RNF44: variants seen among roughly 807,000 people sequenced by gnomAD.
The protein encoded by RNF44 is ring finger protein 44.
In RNF44, 25 loss-of-function variants were observed where a neutral mutation model predicts 53.6. That is an observed-to-expected ratio of 0.47 (90% CI 0.34 to 0.65). The LOEUF (loss-of-function observed/expected upper bound fraction) is 0.65, where lower values mean the gene tolerates loss of function less well. Among genes scored for constraint, RNF44 ranks in the 30% least tolerant of loss-of-function variants. The pLI is 0.01. For missense variants in RNF44, 581 were observed against 595.5 expected (o/e 0.98, Z 0.25); for synonymous variants, 282 against 252.2 (o/e 1.12, Z -1.12).
At position 176,532,480 on chromosome 5, in the gene RNF44, G is replaced by GC; in HGVS notation, c.-9dup. 1 of 1,570,442 alleles carries GC rather than the reference G, an allele frequency of 6.4e-7. No homozygotes were observed. Among genetic ancestry groups the GC allele is most frequent in the Non-Finnish European group, 8.6e-7 (1 of 1,161,822 alleles). On this transcript the variant is annotated 5_prime_UTR_variant, in exon 2 of 11. Coordinates refer to ENST00000274811, the MANE Select transcript of RNF44 (RefSeq NM_014901.5). ...CAGAGCCCATGGTCGCATCGGGGGG[G>GC]CAGGGGGGTGGAGGGGCTGGGCCGG...
upstream of RNF44, among the ~76,000 whole-genome samples, chr5:176,542,961 C>T (rs1452298750): frequency 6.6e-6 from 1 of 151,876 alleles, no homozygotes; most frequent in Non-Finnish European, 1.5e-5. Context: ...GTCCCAGCCG[C>T]AGCTGGGACT....
At chr5:176,534,641 G>C (rs896648701) in intron 1 of RNF44, among the ~76,000 whole-genome samples, 1 of 152,274 alleles carries the variant, frequency 6.6e-6, no homozygotes, top group Admixed American at 6.5e-5. Flanking sequence ...AGCACAGCTA[G>C]ATTTGGGAAT....
In RNF44 at chr5:176,528,835, GT is replaced by G. The variant is rs1182331129; in HGVS notation, c.*192del. On this transcript the variant is annotated 3_prime_UTR_variant, in exon 11 of 11. Transcript: ENST00000274811. Reference sequence around the variant, plus strand: ...GGCAGGCAGGCAGACTAGGGAGGGAGTCTTTGGAGCTTGGCAAATGCAGGGG... The same window carrying G: ...GGCAGGCAGGCAGACTAGGGAGGGAGCTTTGGAGCTTGGCAAATGCAGGGG... 3.3e-6 allele frequency: 2 copies of G among 613,084 alleles called. No individual in the cohort carries two copies. The highest frequency in any genetic ancestry group is 3.7e-5 in the African/African-American group (2 of 53,998). 38.0% of individuals were successfully genotyped at this position (613,084 alleles called of 1,614,324 possible).
chr5:176,539,124 C>A (rs990123227), upstream of RNF44, among the ~76,000 whole-genome samples: 1 of 152,174 alleles, frequency 6.6e-6, no homozygotes, highest in Non-Finnish European at 1.5e-5. Flanking sequence ...CAGCAATGAT[C>A]GTATCACTGT....
Position 176,529,542 on chromosome 5 carries a change from G to A in RNF44, c.1117C>T (p.His373Tyr). 1 of 1,614,054 alleles carries A rather than the reference G, an allele frequency of 6.2e-7. No homozygotes were observed. Among genetic ancestry groups the A allele is most frequent in the South Asian group, 1.1e-5 (1 of 91,090 alleles). Reference protein sequence around the residue: ...LPSYRFNPDSHQSEQTLCVVC... With the variant: ...LPSYRFNPDSYQSEQTLCVVC... The stretch of plus-strand genomic sequence containing the variant: ...ACTCACAGCGTCTGCTCCGACTGAT[G>A]GCTGTCCGGGTTAAAGCGGTACGAC... Residue 373 changes from histidine to tyrosine, a missense_variant, in exon 9 of 11, where the codon CAT (histidine) becomes TAT (tyrosine). Physicochemically the swap from His to Tyr is moderately conservative, Grantham distance 83 (BLOSUM62 2). Around this residue, in one of 3 missense-constraint regions of RNF44, gnomAD observed 183 missense variants for 198.6 expected, o/e 0.92. Coordinates refer to ENST00000274811, the MANE Select transcript of RNF44 (RefSeq NM_014901.5).
upstream of RNF44, among the ~76,000 whole-genome samples, chr5:176,542,165 TC>T (rs1432059106): frequency 6.6e-6 from 1 of 152,106 alleles, no homozygotes; most frequent in Admixed American, 6.5e-5. Flanking sequence ...TCTCAATCTC[TC>T]GTCTGTAAAA....
intron 6 of RNF44, 67 bp from the exon 7 acceptor site, chr5:176,530,273 G>T: frequency 2.4e-6 from 1 of 415,462 alleles, no homozygotes. Flanking sequence ...GAGCCCAGGT[G>T]CAAGTCAGCC....
At chr5:176,530,823 C>T (rs776259475) in intron 5 of RNF44, 25 bp downstream of exon 5, 49 of 1,448,984 alleles carry the variant, frequency 3.4e-5, no homozygotes, top group Admixed American at 1.7e-4. Context: ...CATCTCCCTC[C>T]AGCATCGGAC....
Position 176,529,024 on chromosome 5 carries a change from G to A in RNF44, c.*4C>T, listed in dbSNP as rs1756302026. The A allele has an allele frequency of 6.2e-7, 1 of 1,611,272 alleles. No homozygotes were observed. Among genetic ancestry groups the A allele is most frequent in the Non-Finnish European group, 8.5e-7 (1 of 1,179,256 alleles). On this transcript the variant is annotated 3_prime_UTR_variant, in exon 11 of 11. Coordinates refer to ENST00000274811, the MANE Select transcript of RNF44 (RefSeq NM_014901.5). ...GGTTCTCCCGGGCAGGCGGCTGCGT[G>A]GCCTCACTCAGCCTCCCTGGGCACC...
chr5:176,529,879 C>T, intron 7 of RNF44, 61 bp from the exon 8 acceptor site: 1 of 1,456,626 alleles, frequency 6.9e-7, no homozygotes, highest in East Asian at 2.3e-5. Context: ...CACAGAGCCG[C>T]TCTCCTGACT....
chr5:176,528,689 T>TTAAAAA lies in RNF44; in HGVS notation c.*338_*339insTTTTTA. 9 of 359,200 alleles carry TTAAAAA rather than the reference T, an allele frequency of 2.5e-5. No individual in the cohort carries two copies. Among genetic ancestry groups the TTAAAAA allele is most frequent in the South Asian group, 1.3e-4 (3 of 23,332 alleles). 22.3% of individuals were successfully genotyped at this position (359,200 alleles called of 1,614,324 possible). ...TCTGCCCATCCTGGGGCCAAGGATC[T>TTAAAAA]CCACCGGCCCCACTGAGGGAGCGGA... On this transcript the variant is annotated 3_prime_UTR_variant, in exon 11 of 11. Coordinates refer to ENST00000274811, the MANE Select transcript of RNF44 (RefSeq NM_014901.5).
upstream of RNF44, among the ~76,000 whole-genome samples, chr5:176,541,228 G>T (rs963507322): frequency 2.0e-5 from 3 of 152,116 alleles, no homozygotes; most frequent in Non-Finnish European, 2.9e-5. Flanking sequence ...TACAAGCTCT[G>T]GGCAAGTCCT....
rs932679700 is a variant in RNF44, at chr5:176,529,962, G to A, written c.926+120C>T. ...CAGCTGGCGTGCCTGTCAGGTTAAG[G>A]GGGGAACGCCAGGTGGCTTCAGAGG... On this transcript the variant is annotated intron_variant, in intron 7 of 10. Transcript: ENST00000274811. The A allele has an allele frequency of 1.1e-5, 16 of 1,397,236 alleles. No homozygotes were observed. In the Admixed American group the frequency reaches 2.7e-4, roughly 24 times the overall value. The allele number at this position is 1,397,236 out of a possible 1,614,324, so 86.6% of individuals were successfully genotyped here. A position where few individuals can be genotyped will look rare whatever the true frequency, so the allele number is the denominator to read the frequency against.
the RNF44 span, among the ~76,000 whole-genome samples, chr5:176,543,206 TGCTCGCCGGCCCTGCGCCCGGGGC>T: frequency 4.3e-4 from 64 of 147,962 alleles, no homozygotes; most frequent in African/African-American, 1.5e-3. This position sits in a 1 kb window ranked among gnomAD's most constrained non-coding sequence, Gnocchi z 4.0. Flanking sequence ...TACCGCCGCG[TGCTCGCCGGCCCTGCGCCCGGGGC>T]GCTCGGCGCA....
In RNF44 at chr5:176,532,338, G is replaced by T. The variant is rs373442872; in HGVS notation, c.107+28C>A. ...CACCCCTGCTGGCCCCCATGCCCCA[G>T]CACCAGGACTGGGAGGCTCCTTCCT... On this transcript the variant is annotated intron_variant, in intron 2 of 10. Coordinates refer to ENST00000274811, the MANE Select transcript of RNF44 (RefSeq NM_014901.5). 7 of 1,587,502 alleles carry T rather than the reference G, an allele frequency of 4.4e-6. No individual in the cohort carries two copies. The African/African-American group carries it at 9.4e-5, about 21-fold the overall frequency.
At chr5:176,535,072 G>A (rs185617482) in intron 1 of RNF44, among the ~76,000 whole-genome samples, 1 of 152,196 alleles carries the variant, frequency 6.6e-6, no homozygotes, top group Non-Finnish European at 1.5e-5. Flanking sequence ...AGCAAGCCAG[G>A]AGACAGAAGG....
At chr5:176,539,514 CCT>C (rs1757396195), upstream of RNF44, among the ~76,000 whole-genome samples, 1 of 152,104 alleles carries the variant, frequency 6.6e-6, no homozygotes. Flanking sequence ...ATGGTGAAAC[CCT>C]GTCTCCACAA....
intron 1 of RNF44, among the ~76,000 whole-genome samples, chr5:176,535,603 C>T (rs760495896): frequency 9.2e-5 from 14 of 152,286 alleles, no homozygotes; most frequent in Non-Finnish European, 1.3e-4. Context: ...GGCCCAAACT[C>T]CCCCAAGCCA....
Position 176,529,764 on chromosome 5 carries a change from C to G in RNF44, c.981G>C (p.Leu327=), listed in dbSNP as rs754429811. Residue 327 remains leucine, a synonymous_variant, in exon 8 of 11, where the codon CTG becomes CTC. Transcript: ENST00000274811. ...TCTCCATCTCCACATCATCCACGTC[C>G]AGGTCCAGGCTGATGGTGGGCCCCA... ...TAMGPTISLD[L]DVDDVEMENY... 1 of 1,612,238 alleles carries G rather than the reference C, an allele frequency of 6.2e-7. No individual in the cohort carries two copies.
Sources: gnomAD v4.1 joint callset for allele counts (sites outside exome capture counted in the v4.1 genomes callset) on GRCh38, gnomAD v4.1.1 for gene constraint, gnomAD v4.1.1 regional missense constraint, Gnocchi (gnomAD v3.1) non-coding constraint, MANE v1.5 for transcripts, NCBI Gene and HGNC (gene_info 2026-07-23, HGNC 2026-07-21) for gene names.